The following CRYM variants were observed in gnomAD, a reference collection of about 807,000 sequenced individuals.
CRYM encodes the protein crystallin mu.
CRYM carries 18 observed loss-of-function variants against 32.9 expected under a neutral mutation model. The ratio of observed to expected loss-of-function variants is 0.55; its 90% CI spans 0.38 to 0.81. The LOEUF is 0.81. CRYM is among the 30% of genes least tolerant of loss of function. The probability of loss-of-function intolerance (pLI) is 0.00; values close to 1 mark genes in which losing one functional copy is unlikely to be tolerated. For synonymous variants in CRYM, 153 were observed against 152.4 expected (o/e 1.00, Z -0.03); for missense variants, 337 against 393.5 (o/e 0.86, Z 1.21).
chr16:21,270,584 A>G (rs915375468), intron 3 of CRYM, among the ~76,000 whole-genome samples: 1 of 152,098 alleles, frequency 6.6e-6, no homozygotes, highest in African/African-American at 2.4e-5. Context: ...GCACCTAGCC[A>G]GGTCTTACAA....
intron 1 of CRYM, among the ~76,000 whole-genome samples, chr16:21,290,318 G>A (rs1015264353): frequency 4.6e-5 from 7 of 152,260 alleles, no homozygotes; most frequent in African/African-American, 1.7e-4. Flanking sequence ...CCACCGGGAG[G>A]GACAAACAAC....
intron 1 of CRYM, among the ~76,000 whole-genome samples, chr16:21,294,022 A>T (rs944990741): frequency 6.6e-6 from 1 of 152,232 alleles, no homozygotes; most frequent in Non-Finnish European, 1.5e-5. Flanking sequence ...TTGTCAGCAA[A>T]AAGGTAGAAT....
At chr16:21,261,744 T>G in intron 6 of CRYM, 1 of 475,690 alleles carries the variant, frequency 2.1e-6, no homozygotes, top group Non-Finnish European at 3.8e-6. Flanking sequence ...TTGGGAAGGT[T>G]TCCAGGCTGC....
Position 21,258,615 on chromosome 16 carries a change from G to T in CRYM, c.*166C>A, listed in dbSNP as rs1415349323. 3 of 687,794 alleles carry T rather than the reference G, an allele frequency of 4.4e-6. No homozygotes were observed. The East Asian group carries it at 8.1e-5, about 19-fold the overall frequency. The allele number at this position is 687,794 out of a possible 1,614,324, so 42.6% of individuals were successfully genotyped here. A position where few individuals can be genotyped will look rare whatever the true frequency, so the allele number is the denominator to read the frequency against. Reference sequence around the variant, plus strand: ...ACAGAAGAAATGGCTACCTAGCTTTGCTTTCCAACTACAAACATAAATGAG... The same window carrying T: ...ACAGAAGAAATGGCTACCTAGCTTTTCTTTCCAACTACAAACATAAATGAG... On this transcript the variant is annotated 3_prime_UTR_variant, in exon 8 of 8. Transcript: ENST00000572914.
At chr16:21,290,728 A>G (rs1484164131) in intron 1 of CRYM, among the ~76,000 whole-genome samples, 2 of 152,160 alleles carry the variant, frequency 1.3e-5, no homozygotes, top group Non-Finnish European at 2.9e-5. Flanking sequence ...TGTTATACAT[A>G]TTTAATTTAG....
chr16:21,269,766 T>TTCCCCCCCCCCCCC, intron 4 of CRYM, 24 bp downstream of exon 4: 1 of 690,476 alleles, frequency 1.4e-6, no homozygotes, highest in Admixed American at 2.0e-5. Context: ...CCCTCTTCTC[T>TTCCCCCCCCCCCCC]CCCACCCCCA....
chr16:21,260,978 T>A lies in CRYM; in HGVS notation c.880+276A>T. The A allele has an allele frequency of 1.3e-5, 7 of 522,792 alleles. No homozygotes were observed. The South Asian group carries it at 1.4e-4, about 11-fold the overall frequency. The allele number at this position is 522,792 out of a possible 1,614,324, so 32.4% of individuals were successfully genotyped here. On this transcript the variant is annotated intron_variant, in intron 7 of 7. Coordinates refer to ENST00000572914, the MANE Select transcript of CRYM (RefSeq NM_001376256.1). Reference sequence around the variant, plus strand: ...TATGCAAATCCCACCTAATCCTCAATGGTAACAGGTGGTGAGGAAACTGAG... The same window carrying A: ...TATGCAAATCCCACCTAATCCTCAAAGGTAACAGGTGGTGAGGAAACTGAG...
intron 1 of CRYM, among the ~76,000 whole-genome samples, chr16:21,296,973 A>C (rs531406659): frequency 6.6e-6 from 1 of 151,800 alleles, no homozygotes; most frequent in South Asian, 2.1e-4. Flanking sequence ...CGCGCCACCG[A>C]CTCCAGCCTG....
Position 21,277,096 on chromosome 16 carries a change from A to C in CRYM, c.324+335T>G, listed in dbSNP as rs78353295. Reference sequence around the variant, plus strand: ...CCATGTCGACAAGGATTCAGTAAGTAAGTCTTCCCTTGGCTAATGGGTTCA... The same window carrying C: ...CCATGTCGACAAGGATTCAGTAAGTCAGTCTTCCCTTGGCTAATGGGTTCA... On this transcript the variant is annotated intron_variant, in intron 2 of 7. Coordinates refer to ENST00000572914, the MANE Select transcript of CRYM (RefSeq NM_001376256.1). The surrounding 1 kb of genome is among the most constrained non-coding windows in gnomAD (Gnocchi z 4.2). Among the ~76,000 whole-genome samples, 807 of 152,334 alleles carry C rather than the reference A, an allele frequency of 5.3e-3. 6 individuals are homozygous for C. Among genetic ancestry groups the C allele is most frequent in the African/African-American group, 0.018 (733 of 41,574 alleles).
At chr16:21,276,136 C>T (rs554747020) in intron 2 of CRYM, among the ~76,000 whole-genome samples, 3 of 152,282 alleles carry the variant, frequency 2.0e-5, no homozygotes, top group Admixed American at 6.5e-5. Flanking sequence ...CGATACACAG[C>T]GAAGGTTGAA....
intron 4 of CRYM, among the ~76,000 whole-genome samples, chr16:21,269,111 T>C (rs1317800288): frequency 7.6e-6 from 1 of 131,122 alleles, no homozygotes; most frequent in African/African-American, 2.9e-5. Context: ...GCCACTGCAC[T>C]CCAGCCTGGG....
chr16:21,275,442 T>C lies in CRYM; in HGVS notation c.387+90A>G, dbSNP rs1014310003. Reference sequence around the variant, plus strand: ...ATGTCCAACAGGAAACCAAAATAAGTTCCCCACTTCTCCTTTAGTCTCTCA... The same window carrying C: ...ATGTCCAACAGGAAACCAAAATAAGCTCCCCACTTCTCCTTTAGTCTCTCA... On this transcript the variant is annotated intron_variant, in intron 3 of 7. Transcript: ENST00000572914. The C allele has an allele frequency of 2.6e-6, 3 of 1,174,484 alleles. No individual in the cohort carries two copies. In the African/African-American group the frequency reaches 4.5e-5, roughly 18 times the overall value. 72.8% of individuals were successfully genotyped at this position (1,174,484 alleles called of 1,614,324 possible). A position where few individuals can be genotyped will look rare whatever the true frequency, so the allele number is the denominator to read the frequency against.
chr16:21,282,162 T>C (rs963868951), upstream of CRYM, among the ~76,000 whole-genome samples: 2 of 152,218 alleles, frequency 1.3e-5, no homozygotes, highest in Non-Finnish European at 2.9e-5. Flanking sequence ...GGAGTTGCCC[T>C]GCACAAGCTC....
intron 3 of CRYM, among the ~76,000 whole-genome samples, chr16:21,272,656 T>C (rs1410073119): frequency 1.3e-5 from 2 of 151,356 alleles, no homozygotes; most frequent in African/African-American, 4.8e-5. Flanking sequence ...TGTGAATTTT[T>C]TTTTTTTTTT....
At chr16:21,274,751 G>A (rs548968696) in intron 3 of CRYM, among the ~76,000 whole-genome samples, 159 of 151,932 alleles carry the variant, frequency 1.0e-3, no homozygotes, top group African/African-American at 3.5e-3. Context: ...GATTATAGGC[G>A]CCCACCACCA....
rs759971841 is a variant in CRYM at position 21,258,764 on chromosome 16, C to T, written c.*17G>A. ...AATATTCCTCAAGCATCCATCTCAA[C>T]ATCAAGTTCCTTTGTTTTATTTACC... On this transcript the variant is annotated 3_prime_UTR_variant, in exon 8 of 8. Transcript: ENST00000572914. The T allele has an allele frequency of 1.2e-6, 2 of 1,610,420 alleles. No individual in the cohort carries two copies. Among genetic ancestry groups the T allele is most frequent in the South Asian group, 2.2e-5 (2 of 91,006 alleles).
intron 1 of CRYM, among the ~76,000 whole-genome samples, chr16:21,290,539 A>C (rs990279572): frequency 6.6e-6 from 1 of 152,206 alleles, no homozygotes; most frequent in East Asian, 1.9e-4. Flanking sequence ...CGAGACCAAG[A>C]ACCCACGGGA....
intron 1 of CRYM, among the ~76,000 whole-genome samples, chr16:21,288,847 C>T (rs1960540644): frequency 6.6e-6 from 1 of 152,034 alleles, no homozygotes; most frequent in Non-Finnish European, 1.5e-5. Context: ...TTATCTGACT[C>T]ATTTGTTGCT....
At chr16:21,278,866 C>T (rs1370686430), upstream of CRYM, 2 of 152,314 alleles carry the variant, frequency 1.3e-5, no homozygotes, top group African/African-American at 2.4e-5. Flanking sequence ...AACAAACCTT[C>T]GCCTTTAAAG....
Sources: gnomAD v4.1 joint callset for allele counts (sites outside exome capture counted in the v4.1 genomes callset) on GRCh38, gnomAD v4.1.1 for gene constraint, Gnocchi (gnomAD v3.1) non-coding constraint, MANE v1.5 for transcripts, NCBI Gene and HGNC (gene_info 2026-07-23, HGNC 2026-07-21) for gene names.